CFAP299: variants seen among roughly 807,000 people sequenced by gnomAD.
CFAP299 encodes cilia- and flagella-associated protein 299.
CFAP299 carries 21 observed loss-of-function variants against 27.0 expected under a neutral mutation model. The ratio of observed to expected loss-of-function variants is 0.78; its 90% CI spans 0.55 to 1.12. The LOEUF is 1.12. Ranked by LOEUF, CFAP299 falls within the 50% of genes most tolerant of loss-of-function variation. The pLI, the probability that CFAP299 is intolerant of heterozygous loss-of-function variation, is 0.00. For synonymous variants in CFAP299, 104 were observed against 98.1 expected (o/e 1.06, Z -0.36); for missense variants, 310 against 276.6 (o/e 1.12, Z -0.86).
At chr4:80,458,345 A>G (rs943390306) in intron 2 of CFAP299, among the ~76,000 whole-genome samples, 6 of 152,236 alleles carry the variant, frequency 3.9e-5, no homozygotes, top group African/African-American at 1.4e-4. Context: ...GCGCATGCCA[A>G]ATGCCAGCTA....
intron 2 of CFAP299, among the ~76,000 whole-genome samples, chr4:80,452,640 A>G (rs1012294011): frequency 2.6e-5 from 4 of 152,168 alleles, no homozygotes; most frequent in African/African-American, 7.2e-5. Flanking sequence ...AGGGATGTCA[A>G]ACCAAGCTGA....
intron 4 of CFAP299, among the ~76,000 whole-genome samples, chr4:80,883,892 G>T (rs1705741471): frequency 6.6e-6 from 1 of 151,996 alleles, no homozygotes; most frequent in African/African-American, 2.4e-5. Flanking sequence ...TAAGTTCAGG[G>T]GTACACGTGC....
At chr4:80,949,433 G>T (rs529749859) in intron 5 of CFAP299, among the ~76,000 whole-genome samples, 1 of 151,976 alleles carries the variant, frequency 6.6e-6, no homozygotes, top group Non-Finnish European at 1.5e-5. Flanking sequence ...TGGAGATAAT[G>T]TTAAGTGATA....
At chr4:80,775,529 G>C (rs2110086913) in intron 3 of CFAP299, among the ~76,000 whole-genome samples, 1 of 151,846 alleles carries the variant, frequency 6.6e-6, no homozygotes, top group Non-Finnish European at 1.5e-5. Flanking sequence ...TAGCTAATCA[G>C]TTTGGGGAGT....
chr4:80,739,177 TAA>T (rs779810797), intron 3 of CFAP299, among the ~76,000 whole-genome samples: 1 of 152,166 alleles, frequency 6.6e-6, no homozygotes, highest in Non-Finnish European at 1.5e-5. Flanking sequence ...TCTTTTTACT[TAA>T]GTCAAGAATA....
chr4:80,846,573 A>T (rs1255015238), intron 3 of CFAP299, among the ~76,000 whole-genome samples: 1 of 152,242 alleles, frequency 6.6e-6, no homozygotes, highest in Admixed American at 6.5e-5. Context: ...AATGAGAACT[A>T]TAAATAATTT....
chr4:80,405,562 A>G (rs1344325916), intron 2 of CFAP299, among the ~76,000 whole-genome samples: 1 of 152,112 alleles, frequency 6.6e-6, no homozygotes, highest in African/African-American at 2.4e-5. Flanking sequence ...CAATTTTAAA[A>G]AATAAGGAAA....
intron 2 of CFAP299, among the ~76,000 whole-genome samples, chr4:80,514,979 G>A (rs1732511063): frequency 6.6e-6 from 1 of 151,912 alleles, no homozygotes; most frequent in Non-Finnish European, 1.5e-5. Context: ...AACCCACCCA[G>A]AACGGTGTCT....
At chr4:80,549,252 G>A (rs962249228) in intron 2 of CFAP299, among the ~76,000 whole-genome samples, 4 of 152,012 alleles carry the variant, frequency 2.6e-5, no homozygotes, top group African/African-American at 9.7e-5. Context: ...GGAGACACTC[G>A]CTAAGATGCT....
At chr4:80,870,307 T>A in intron 4 of CFAP299, 172 bp downstream of exon 4, 8 of 1,255,010 alleles carry the variant, frequency 6.4e-6, no homozygotes, top group Non-Finnish European at 8.0e-6. Flanking sequence ...GATGCATTGT[T>A]TTTCCTTTAA....
intron 3 of CFAP299, among the ~76,000 whole-genome samples, chr4:80,850,301 A>G (rs1292324008): frequency 1.3e-5 from 2 of 152,006 alleles, no homozygotes; most frequent in Non-Finnish European, 2.9e-5. Context: ...AGAAATCATC[A>G]TCTTCCATAT....
chr4:80,932,969 T>C (rs767646695), intron 4 of CFAP299, among the ~76,000 whole-genome samples: 1 of 152,180 alleles, frequency 6.6e-6, no homozygotes, highest in African/African-American at 2.4e-5. Context: ...AATGTCACGA[T>C]GATTAATATA....
At chr4:80,864,911 G>A (rs1732634276) in intron 3 of CFAP299, among the ~76,000 whole-genome samples, 1 of 152,058 alleles carries the variant, frequency 6.6e-6, no homozygotes, top group Non-Finnish European at 1.5e-5. Context: ...TTATTATAGA[G>A]GAAACTAAAT....
intron 3 of CFAP299, among the ~76,000 whole-genome samples, chr4:80,645,169 C>G (rs1056670586): frequency 1.4e-4 from 22 of 152,162 alleles, no homozygotes; most frequent in African/African-American, 5.1e-4. Flanking sequence ...TGTTTACCCT[C>G]TTAATGAATA....
rs557795878 is a variant in CFAP299, at chr4:80,817,690, T to C, written c.334-52303T>C. Among the ~76,000 whole-genome samples, 131 of 152,164 alleles carry C rather than the reference T, an allele frequency of 8.6e-4. 1 individual carries two copies. Among genetic ancestry groups the C allele is most frequent in the African/African-American group, 3.0e-3 (126 of 41,516 alleles). On this transcript the variant is annotated intron_variant, in intron 3 of 5. Coordinates refer to ENST00000358105, the MANE Select transcript of CFAP299 (RefSeq NM_152770.3). ...ATAGCATGCAATTATAATTATTTCT[T>C]GTTCAAAAGCATTTTTGTATGTAAG... is the stretch of plus-strand genomic sequence containing the variant.
chr4:80,427,116 G>A (rs1727565424), intron 2 of CFAP299, among the ~76,000 whole-genome samples: 1 of 152,098 alleles, frequency 6.6e-6, no homozygotes, highest in Non-Finnish European at 1.5e-5. Flanking sequence ...AAAAGAATTT[G>A]AGGAAATGCT....
chr4:80,362,678 A>G (rs1240072747), intron 1 of CFAP299, 76 bp from the exon 2 acceptor site: 2 of 1,447,622 alleles, frequency 1.4e-6, no homozygotes, highest in Non-Finnish European at 1.8e-6. Flanking sequence ...TACATTGCAG[A>G]TGTAAGATAT....
intron 3 of CFAP299, among the ~76,000 whole-genome samples, chr4:80,842,867 T>C (rs899509155): frequency 6.6e-6 from 1 of 152,144 alleles, no homozygotes; most frequent in African/African-American, 2.4e-5. Context: ...TGAAGGGGTA[T>C]TCTTGCTAAC....
intron 2 of CFAP299, among the ~76,000 whole-genome samples, chr4:80,526,328 A>G (rs912766561): frequency 1.3e-5 from 2 of 152,168 alleles, no homozygotes; most frequent in African/African-American, 4.8e-5. Context: ...AAGAAGGAAC[A>G]CTTCAAAGTG....
Sources: gnomAD v4.1 joint callset for allele counts (sites outside exome capture counted in the v4.1 genomes callset) on GRCh38, gnomAD v4.1.1 for gene constraint, MANE v1.5 for transcripts, NCBI Gene and HGNC (gene_info 2026-07-23, HGNC 2026-07-21) for gene names.